Variants in MAP4K5 observed in about 807,000 individuals in gnomAD.
MAP4K5 encodes mitogen-activated protein kinase kinase kinase kinase 5, also known as MAPK/ERK kinase kinase kinase 5.
Under a neutral mutation model 135.6 loss-of-function variants are expected in MAP4K5, and 82 were observed. The observed-to-expected ratio is 0.60, with a 90% CI of 0.51 to 0.73. MAP4K5 has a LOEUF of 0.73. MAP4K5 is among the 30% of genes least tolerant of loss of function. MAP4K5 has a pLI of 0.00. For synonymous variants in MAP4K5, 347 were observed against 335.0 expected (o/e 1.04, Z -0.39); for missense variants, 907 against 1,010.9 (o/e 0.90, Z 1.39).
chr14:50,476,644 T>C (rs2037106131), intron 6 of MAP4K5, among the ~76,000 whole-genome samples: 1 of 152,184 alleles, frequency 6.6e-6, no homozygotes, highest in Non-Finnish European at 1.5e-5. Flanking sequence ...TATTTTTTAG[T>C]AGAGACGGGG....
At chr14:50,424,614 G>A (rs1241473475) in intron 31 of MAP4K5, among the ~76,000 whole-genome samples, 1 of 151,540 alleles carries the variant, frequency 6.6e-6, no homozygotes, top group Non-Finnish European at 1.5e-5. Flanking sequence ...GGAGGCCGAG[G>A]CAGGAGAATC....
chr14:50,508,577 G>C (rs887296490), intron 2 of MAP4K5, among the ~76,000 whole-genome samples: 3 of 151,954 alleles, frequency 2.0e-5, no homozygotes, highest in African/African-American at 7.3e-5. Context: ...GGGGTGGGGG[G>C]AGAGGGGAGG....
intron 6 of MAP4K5, among the ~76,000 whole-genome samples, chr14:50,478,837 A>AT (rs1000179873): frequency 6.6e-6 from 1 of 151,612 alleles, no homozygotes; most frequent in African/African-American, 2.4e-5. Context: ...TAGGTTGACA[A>AT]TTTTTTTTCA....
intron 3 of MAP4K5, among the ~76,000 whole-genome samples, chr14:50,500,828 C>T (rs1163892504): frequency 6.6e-6 from 1 of 152,046 alleles, no homozygotes; most frequent in African/African-American, 2.4e-5. Flanking sequence ...AGGTTAATGC[C>T]TACATTTGTG....
At chr14:50,465,750 G>A (rs982234487) in intron 11 of MAP4K5, among the ~76,000 whole-genome samples, 4 of 152,206 alleles carry the variant, frequency 2.6e-5, no homozygotes, top group Admixed American at 1.3e-4. Flanking sequence ...GAAGACCTAA[G>A]AAAATTATTG....
At chr14:50,456,467 A>G in intron 14 of MAP4K5, 49 bp downstream of exon 14, 1 of 1,318,536 alleles carries the variant, frequency 7.6e-7, no homozygotes, top group Non-Finnish European at 1.1e-6. Context: ...AAGAACACGC[A>G]GCACAACCCT....
At chr14:50,449,065 A>T in intron 14 of MAP4K5, 1 of 445,426 alleles carries the variant, frequency 2.2e-6, no homozygotes, top group Non-Finnish European at 3.9e-6. Context: ...GAATCAGGAA[A>T]TTAAACAGTT....
At chr14:50,447,362 T>A (rs191613155) in intron 16 of MAP4K5, 52 bp downstream of exon 16, 1 of 1,103,272 alleles carries the variant, frequency 9.1e-7, no homozygotes, top group African/African-American at 1.6e-5. Context: ...TGCCCCATAC[T>A]GTTCTTATGT....
At chr14:50,527,742 A>G (rs543145298) in intron 2 of MAP4K5, among the ~76,000 whole-genome samples, 1 of 152,134 alleles carries the variant, frequency 6.6e-6, no homozygotes, top group African/African-American at 2.4e-5. Flanking sequence ...TCTATAATCA[A>G]TCAGATAAAG....
chr14:50,433,345 C>T (rs1202482777), intron 28 of MAP4K5, among the ~76,000 whole-genome samples: 1 of 152,164 alleles, frequency 6.6e-6, no homozygotes, highest in Admixed American at 6.5e-5. Context: ...CCAGTGCATG[C>T]TGGAGCTGGC....
At chr14:50,547,527 C>A (rs549618643) in intron 1 of MAP4K5, among the ~76,000 whole-genome samples, 2 of 152,136 alleles carry the variant, frequency 1.3e-5, no homozygotes, top group Middle Eastern at 3.2e-3. Flanking sequence ...AGGCAGGCAA[C>A]GAAGATGAAA....
At position 50,418,690 on chromosome 14, in the gene MAP4K5, C is replaced by A. The variant is rs2035658202; in HGVS notation, c.*1329G>T. The A allele has an allele frequency of 6.6e-6, 1 of 152,436 alleles. No individual in the cohort carries two copies. The highest frequency in any genetic ancestry group is 1.5e-5 in the Non-Finnish European group (1 of 68,022). 9.4% of individuals were successfully genotyped at this position (152,436 alleles called of 1,614,324 possible). ...AAAAATAGAGATAATACTTATTTTA[C>A]AGAATTGCTAAATACTGAATGAGAT... On this transcript the variant is annotated 3_prime_UTR_variant, in exon 33 of 33. Coordinates refer to ENST00000682126, the MANE Select transcript of MAP4K5 (RefSeq NM_006575.6).
chr14:50,462,645 G>A lies in MAP4K5; in HGVS notation c.936+20C>T, dbSNP rs190386661. 5.3e-6 allele frequency: 8 copies of A among 1,510,030 alleles called. No homozygotes were observed. The East Asian group carries it at 1.8e-4, about 35-fold the overall frequency. The allele number at this position is 1,510,030 out of a possible 1,614,324, so 93.5% of individuals were successfully genotyped here. ...ATAAAACATTTATTTTCAACTATGA[G>A]ACTGCAAACACTTCCTTACCTCAAA... On this transcript the variant is annotated intron_variant, in intron 13 of 32. Transcript: ENST00000682126.
chr14:50,473,033 A>G (rs974644348), intron 9 of MAP4K5, among the ~76,000 whole-genome samples: 3 of 152,124 alleles, frequency 2.0e-5, no homozygotes, highest in African/African-American at 7.2e-5. Context: ...AATTCTGTAG[A>G]CACCCTTTAA....
intron 9 of MAP4K5, chr14:50,471,853 C>T (rs774307708): frequency 6.6e-6 from 1 of 152,158 alleles, no homozygotes; most frequent in Non-Finnish European, 1.5e-5. Flanking sequence ...AGTCTTCCGT[C>T]ATTTCTGCTC....
intron 1 of MAP4K5, among the ~76,000 whole-genome samples, chr14:50,553,874 T>C (rs998422453): frequency 6.6e-6 from 1 of 152,132 alleles, no homozygotes; most frequent in Non-Finnish European, 1.5e-5. Context: ...TATTGTATGT[T>C]CTCACTTAAA....
rs546857889 is a variant in MAP4K5, at chr14:50,551,288, A to G, written c.-179-8704T>C. 4.6e-5 allele frequency among the ~76,000 whole-genome samples: 7 copies of G among 152,274 alleles called. No individual in the cohort carries two copies. The East Asian group carries it at 1.4e-3, about 29-fold the overall frequency. On this transcript the variant is annotated intron_variant, in intron 1 of 8. Transcript: ENST00000555216. Reference sequence around the variant, plus strand: ...ACTAGAAAGTCTAAAGGAGATGGATAAATTCCTGGAAATGTACAACCCTCC... The same window carrying G: ...ACTAGAAAGTCTAAAGGAGATGGATGAATTCCTGGAAATGTACAACCCTCC...
At chr14:50,449,484 T>A (rs1004984619) in intron 14 of MAP4K5, 1 of 152,154 alleles carries the variant, frequency 6.6e-6, no homozygotes, top group Non-Finnish European at 1.5e-5. Context: ...CAAATTTTTT[T>A]AAACACTCAT....
chr14:50,442,581 C>T (rs1182349568), intron 21 of MAP4K5, 151 bp downstream of exon 21: 3 of 577,278 alleles, frequency 5.2e-6, no homozygotes, highest in East Asian at 3.2e-5. Flanking sequence ...AACCAAAACC[C>T]TATTGACCTA....
Sources: allele counts gnomAD v4.1 joint callset (sites outside exome capture counted in the v4.1 genomes callset), GRCh38; gene constraint gnomAD v4.1.1; transcripts MANE v1.5; gene names NCBI Gene and HGNC (gene_info 2026-07-23, HGNC 2026-07-21).